Variants in TMEM100 observed in about 807,000 individuals in gnomAD.
TMEM100 encodes transmembrane protein 100.
For synonymous variants in TMEM100, 61 were observed against 67.1 expected (o/e 0.91, Z 0.44); for missense variants, 137 against 168.2 (o/e 0.81, Z 1.02).
At chr17:55,731,495 C>T (rs1909203963) in intron 1 of TMEM100, among the ~76,000 whole-genome samples, 1 of 152,084 alleles carries the variant, frequency 6.6e-6, no homozygotes, top group African/African-American at 2.4e-5. Context: ...GTAGATACTT[C>T]ATTATTCTTT....
chr17:55,726,527 C>G (rs1272904482), upstream of TMEM100, among the ~76,000 whole-genome samples: 1 of 152,186 alleles, frequency 6.6e-6, no homozygotes, highest in Non-Finnish European at 1.5e-5. Flanking sequence ...AAGCATGCCC[C>G]CATGTGCATT....
upstream of TMEM100, among the ~76,000 whole-genome samples, chr17:55,723,787 C>T (rs1215346132): frequency 2.6e-5 from 4 of 152,132 alleles, no homozygotes; most frequent in African/African-American, 7.2e-5. Flanking sequence ...TTCCTTGGCC[C>T]ACTTTAAGGA....
At chr17:55,721,218 CCTTT>C in intron 1 of TMEM100, 83 bp from the exon 2 acceptor site, 2 of 900,310 alleles carry the variant, frequency 2.2e-6, no homozygotes, top group African/African-American at 1.7e-5. Context: ...GGAGGCACCT[CCTTT>C]CTAGGAGGCA....
rs1029177768 is a variant in TMEM100, at chr17:55,719,982, A to G, written c.*684T>C. The G allele has an allele frequency of 1.3e-5, 2 of 152,652 alleles. No individual in the cohort carries two copies. The highest frequency in any genetic ancestry group is 4.8e-5 in the African/African-American group (2 of 41,460). The allele number at this position is 152,652 out of a possible 1,614,324, so 9.5% of individuals were successfully genotyped here. On this transcript the variant is annotated 3_prime_UTR_variant, in exon 2 of 2. Transcript: ENST00000424486. ...GTTGACTTTTATATAAAAATCATCA[A>G]AAGTGCTATATTGGATTATTTTACT...
At chr17:55,723,175 G>A (rs1357396101), upstream of TMEM100, among the ~76,000 whole-genome samples, 1 of 152,218 alleles carries the variant, frequency 6.6e-6, no homozygotes, top group African/African-American at 2.4e-5. Context: ...GAAAATCCCA[G>A]AGTCAGCGTT....
At chr17:55,723,835 C>T (rs1908988165), upstream of TMEM100, among the ~76,000 whole-genome samples, 1 of 152,198 alleles carries the variant, frequency 6.6e-6, no homozygotes, top group South Asian at 2.1e-4. Flanking sequence ...TACAACTTGA[C>T]ACATCATACT....
At chr17:55,727,266 GTTT>G (rs1361736557), upstream of TMEM100, among the ~76,000 whole-genome samples, 2 of 152,186 alleles carry the variant, frequency 1.3e-5, no homozygotes, top group Non-Finnish European at 2.9e-5. Flanking sequence ...CGCATTTTAT[GTTT>G]ATGTACGTTA....
chr17:55,720,924 G>A lies in TMEM100; in HGVS notation c.147C>T (p.Thr49=), dbSNP rs769491869. The change falls in exon 2 of 2, where the codon ACC becomes ACT. Residue 49 remains threonine, a synonymous_variant. Transcript: ENST00000424486. ...EIQLMAATGG[T]ELSCYRCIIP... Reference sequence around the variant, plus strand: ...TGATGCAGCGGTAGCAGGAGAGCTCGGTACCCCCTGTAGCAGCCATCAACT... The same window carrying A: ...TGATGCAGCGGTAGCAGGAGAGCTCAGTACCCCCTGTAGCAGCCATCAACT... 4.3e-6 allele frequency: 7 copies of A among 1,614,030 alleles called. No individual in the cohort carries two copies. Among genetic ancestry groups the A allele is most frequent in the East Asian group, 4.5e-5 (2 of 44,900 alleles).
At chr17:55,729,987 G>A (rs898287751) in intron 1 of TMEM100, among the ~76,000 whole-genome samples, 3 of 152,282 alleles carry the variant, frequency 2.0e-5, no homozygotes, top group Non-Finnish European at 4.4e-5. Context: ...CACATATGGA[G>A]AAACGCTTTT....
chr17:55,724,528 G>A (rs949545320), upstream of TMEM100, among the ~76,000 whole-genome samples: 10 of 152,138 alleles, frequency 6.6e-5, no homozygotes, highest in East Asian at 1.9e-4. Flanking sequence ...AGTTGCCCCC[G>A]GAAGATGGTA....
chr17:55,726,004 A>G (rs1015050925), upstream of TMEM100, among the ~76,000 whole-genome samples: 6 of 152,222 alleles, frequency 3.9e-5, no homozygotes, highest in Middle Eastern at 3.4e-3. Context: ...CCTCTTTCCC[A>G]ATAACATGCA....
intron 1 of TMEM100, among the ~76,000 whole-genome samples, chr17:55,729,992 G>A (rs983697404): frequency 6.6e-6 from 1 of 152,114 alleles, no homozygotes; most frequent in Non-Finnish European, 1.5e-5. Context: ...ATGGAGAAAC[G>A]CTTTTGCCTT....
chr17:55,720,608 G>T lies in TMEM100; in HGVS notation c.*58C>A. 1 of 1,538,502 alleles carries T rather than the reference G, an allele frequency of 6.5e-7. No individual in the cohort carries two copies. Among genetic ancestry groups the T allele is most frequent in the Non-Finnish European group, 8.7e-7 (1 of 1,145,474 alleles). ...TCCCACCATGGTTCTGGGTGAATTG[G>T]GTGACAAAGTCAGAGCACGTTTTCC... On this transcript the variant is annotated 3_prime_UTR_variant, in exon 2 of 2. Transcript: ENST00000424486.
rs1908829882 is a variant in TMEM100 at position 55,720,454 on chromosome 17, A to C, written c.*212T>G. On this transcript the variant is annotated 3_prime_UTR_variant, in exon 2 of 2. Transcript: ENST00000424486. ...CATGTAAATAGAAAGCTGATTTTTC[A>C]GTCTCAGAAGTAGCCCTTAGGGTTA... 1.7e-6 allele frequency: 1 copy of C among 597,512 alleles called. No homozygotes were observed. Among genetic ancestry groups the C allele is most frequent in the Non-Finnish European group, 2.8e-6 (1 of 355,084 alleles). 37.0% of individuals were successfully genotyped at this position (597,512 alleles called of 1,614,324 possible). A position where few individuals can be genotyped will look rare whatever the true frequency, so the allele number is the denominator to read the frequency against.
rs1908849780 is a variant in TMEM100, at chr17:55,720,775, A to G, written c.296T>C (p.Leu99Ser). 11 of 1,614,160 alleles carry G rather than the reference A, an allele frequency of 6.8e-6. No individual in the cohort carries two copies. The highest frequency in any genetic ancestry group is 9.3e-6 in the Non-Finnish European group (11 of 1,180,024). The stretch of plus-strand genomic sequence containing the variant: ...CCAGCACAAGGCACTGGAGGCTAGT[A>G]AAAAAAGTCCAGATGACAGAACAAC... ...GLVVLSSGLF[L>S]LASSALCWKV... Residue 99 changes from leucine (L) to serine (S), a missense_variant, in exon 2 of 2, where the codon TTA (leucine) becomes TCA (serine). Leu to Ser is a moderately radical substitution (Grantham distance 145). Coordinates refer to ENST00000424486, the MANE Select transcript of TMEM100 (RefSeq NM_018286.3).
In TMEM100 at chr17:55,721,079, C is replaced by T. The variant is rs79554922; in HGVS notation, c.-9G>A. 4.1e-5 allele frequency: 65 copies of T among 1,600,104 alleles called. No homozygotes were observed. The African/African-American group carries it at 8.0e-4, about 20-fold the overall frequency. ...ATGGGCTCTTCAGTCATTTTTACAA[C>T]AGTGCTTCTAAGCTGGGTTTACAGA... On this transcript the variant is annotated 5_prime_UTR_variant, in exon 2 of 2. Coordinates refer to ENST00000424486, the MANE Select transcript of TMEM100 (RefSeq NM_018286.3).
Position 55,721,101 on chromosome 17 carries a change from C to T in TMEM100, c.-31G>A. ...CAACAGTGCTTCTAAGCTGGGTTTA[C>T]AGACTAGATCTGGACAGTCTCACCA... On this transcript the variant is annotated 5_prime_UTR_variant, in exon 2 of 2. Coordinates refer to ENST00000424486, the MANE Select transcript of TMEM100 (RefSeq NM_018286.3). 6.3e-7 allele frequency: 1 copy of T among 1,579,286 alleles called. No individual in the cohort carries two copies. Among genetic ancestry groups the T allele is most frequent in the South Asian group, 1.2e-5 (1 of 83,612 alleles).
upstream of TMEM100, among the ~76,000 whole-genome samples, chr17:55,726,774 T>C (rs1229093853): frequency 2.6e-5 from 4 of 152,212 alleles, no homozygotes; most frequent in Non-Finnish European, 2.9e-5. Context: ...TCTGAAATCA[T>C]GGACATTTTG....
In TMEM100 at chr17:55,720,418, C is replaced by G. The variant is rs1908828940; in HGVS notation, c.*248G>C. 3 of 531,144 alleles carry G rather than the reference C, an allele frequency of 5.6e-6. 1 individual carries two copies. The highest frequency in any genetic ancestry group is 9.9e-6 in the Non-Finnish European group (3 of 303,746). The allele number at this position is 531,144 out of a possible 1,614,324, so 32.9% of individuals were successfully genotyped here. On this transcript the variant is annotated 3_prime_UTR_variant, in exon 2 of 2. Transcript: ENST00000424486. ...CTAATGCTGTGCACTCCCATGACCCCCAAAGTGTTTCATGTAAATAGAAAG... is the reference window on the plus strand; with the variant it reads ...CTAATGCTGTGCACTCCCATGACCCGCAAAGTGTTTCATGTAAATAGAAAG...
Sources: gnomAD v4.1 joint callset for allele counts (sites outside exome capture counted in the v4.1 genomes callset) on GRCh38, gnomAD v4.1.1 for gene constraint, MANE v1.5 for transcripts, NCBI Gene and HGNC (gene_info 2026-07-23, HGNC 2026-07-21) for gene names.